Variants in GMDS observed in about 807,000 individuals in gnomAD.
GMDS encodes the protein GDP-mannose 4,6-dehydratase.
A neutral mutation model predicts 49.9 loss-of-function variants in GMDS; 20 were observed. The observed-to-expected ratio is 0.40, with a 90% CI of 0.28 to 0.58. GMDS has a LOEUF of 0.58. GMDS is among the 20% of genes least tolerant of loss of function. The probability of loss-of-function intolerance (pLI) is 0.42; values close to 1 mark genes in which losing one functional copy is unlikely to be tolerated. For missense variants in GMDS, 362 were observed against 481.4 expected, an observed-to-expected ratio of 0.75 and a Z score of 2.32; for synonymous variants, 177 against 178.6, an observed-to-expected ratio of 0.99 and a Z score of 0.07.
chr6:2,066,530 G>A (rs1481851714), intron 4 of GMDS, among the ~76,000 whole-genome samples: 1 of 151,962 alleles, frequency 6.6e-6, no homozygotes, highest in Non-Finnish European at 1.5e-5. Flanking sequence ...CCCATCTCAT[G>A]TGCAGAGACA....
intron 4 of GMDS, among the ~76,000 whole-genome samples, chr6:2,040,013 T>A (rs1769568891): frequency 6.6e-6 from 1 of 152,204 alleles, no homozygotes; most frequent in Non-Finnish European, 1.5e-5. Flanking sequence ...AATATTACAA[T>A]GGCAACATCA....
intron 7 of GMDS, among the ~76,000 whole-genome samples, chr6:1,884,420 T>C (rs893660834): frequency 2.6e-5 from 4 of 152,232 alleles, no homozygotes; most frequent in African/African-American, 9.6e-5. Flanking sequence ...GGTGGTCAGC[T>C]ATGTCTTCAC....
chr6:2,048,605 AC>A lies in GMDS; in HGVS notation c.345+67165del, dbSNP rs559835334. ...CATCTGCTGAACTGCTTATAAATCT[AC>A]AGATGAATTAGGGGAGCTACATATT... On this transcript the variant is annotated intron_variant, in intron 4 of 10. Transcript: ENST00000380815. Among the ~76,000 whole-genome samples the A allele has an allele frequency of 1.8e-3, 270 of 152,308 alleles. 2 individuals carry two copies. The highest frequency in any genetic ancestry group is 5.9e-3 in the African/African-American group (244 of 41,562).
intron 7 of GMDS, among the ~76,000 whole-genome samples, chr6:1,747,178 C>T (rs1331157010): frequency 6.6e-6 from 1 of 152,068 alleles, no homozygotes; most frequent in Non-Finnish European, 1.5e-5. Flanking sequence ...GGAGAACACT[C>T]AAAGTGCATC....
At chr6:1,669,436 T>C (rs1172730182) in intron 9 of GMDS, among the ~76,000 whole-genome samples, 2 of 152,202 alleles carry the variant, frequency 1.3e-5, no homozygotes, top group Admixed American at 6.5e-5. Flanking sequence ...TCAATAAATG[T>C]ATGAAACGTT....
chr6:2,094,012 A>G (rs562171369), intron 4 of GMDS, among the ~76,000 whole-genome samples: 2 of 152,322 alleles, frequency 1.3e-5, no homozygotes, highest in East Asian at 3.9e-4. Flanking sequence ...CATGACATCC[A>G]GTTATTCATG....
intron 7 of GMDS, among the ~76,000 whole-genome samples, chr6:1,849,036 A>G (rs745718196): frequency 6.6e-6 from 1 of 152,152 alleles, no homozygotes; most frequent in Non-Finnish European, 1.5e-5. Context: ...CAGTTATAAC[A>G]ATCAAACCTG....
chr6:1,752,133 C>G (rs1767759901), intron 7 of GMDS, among the ~76,000 whole-genome samples: 1 of 152,124 alleles, frequency 6.6e-6, no homozygotes, highest in Non-Finnish European at 1.5e-5. Context: ...AGCTAAGAAC[C>G]TTGAGAAAAT....
At chr6:2,028,217 G>T (rs956557575) in intron 4 of GMDS, among the ~76,000 whole-genome samples, 1 of 152,150 alleles carries the variant, frequency 6.6e-6, no homozygotes, top group Non-Finnish European at 1.5e-5. Context: ...TCATAAGACT[G>T]CTTAGCATAT....
chr6:1,651,571 T>G (rs1055370851), intron 9 of GMDS, among the ~76,000 whole-genome samples: 3 of 152,234 alleles, frequency 2.0e-5, no homozygotes, highest in African/African-American at 7.2e-5. Context: ...GGGACATACT[T>G]GGCTCATCCT....
chr6:1,807,943 C>T (rs1028836010), intron 7 of GMDS, among the ~76,000 whole-genome samples: 2 of 151,932 alleles, frequency 1.3e-5, no homozygotes, highest in Non-Finnish European at 2.9e-5. Context: ...ATTAAGGAAG[C>T]GAAAAGGAAA....
At chr6:1,959,770 A>C (rs1328613551) in intron 6 of GMDS, 97 bp downstream of exon 6, 1 of 525,258 alleles carries the variant, frequency 1.9e-6, no homozygotes, top group Non-Finnish European at 3.3e-6. Flanking sequence ...CAGATAGGAA[A>C]TTTTTCAGTC....
intron 1 of GMDS, among the ~76,000 whole-genome samples, chr6:2,148,705 C>T (rs1165596898): frequency 1.3e-5 from 2 of 152,190 alleles, no homozygotes; most frequent in Non-Finnish European, 2.9e-5. Context: ...CAGGCATGAA[C>T]CACCACGTCC....
chr6:1,882,020 G>A (rs1561863272), intron 7 of GMDS, among the ~76,000 whole-genome samples: 1 of 152,166 alleles, frequency 6.6e-6, no homozygotes, highest in Non-Finnish European at 1.5e-5. Flanking sequence ...GATAATCTAA[G>A]TGATTATTTT....
chr6:1,996,848 C>T (rs1038703207), intron 4 of GMDS, among the ~76,000 whole-genome samples: 2 of 152,192 alleles, frequency 1.3e-5, no homozygotes, highest in Non-Finnish European at 2.9e-5. Context: ...GAGAATTCCA[C>T]TACTCAGAAG....
intron 9 of GMDS, among the ~76,000 whole-genome samples, chr6:1,719,289 T>C (rs895409241): frequency 6.6e-6 from 1 of 151,468 alleles, no homozygotes; most frequent in African/African-American, 2.4e-5. Context: ...CGGCCTGGCA[T>C]GAGCCACAGG....
chr6:1,868,207 G>C (rs959493062), intron 7 of GMDS, among the ~76,000 whole-genome samples: 1 of 151,992 alleles, frequency 6.6e-6, no homozygotes, highest in African/African-American at 2.4e-5. Flanking sequence ...GGCTGGTCTC[G>C]AACTCCTGAC....
intron 9 of GMDS, among the ~76,000 whole-genome samples, chr6:1,683,587 A>G (rs973385709): frequency 6.6e-6 from 1 of 152,194 alleles, no homozygotes; most frequent in East Asian, 1.9e-4. Context: ...GGATGTGACC[A>G]CTGCCCTCAT....
chr6:1,825,391 A>T (rs956564361), intron 7 of GMDS, among the ~76,000 whole-genome samples: 1 of 152,250 alleles, frequency 6.6e-6, no homozygotes, highest in Non-Finnish European at 1.5e-5. Context: ...CAAATAAATT[A>T]AACACTGGCA....
Sources: gnomAD v4.1 joint callset for allele counts (sites outside exome capture counted in the v4.1 genomes callset) on GRCh38, gnomAD v4.1.1 for gene constraint, MANE v1.5 for transcripts, NCBI Gene and HGNC (gene_info 2026-07-23, HGNC 2026-07-21) for gene names.